CFAP299: variants seen among roughly 807,000 people sequenced by gnomAD.
The protein encoded by CFAP299 is cilia- and flagella-associated protein 299.
A neutral mutation model predicts 27.0 loss-of-function variants in CFAP299; 21 were observed. The observed-to-expected ratio is 0.78, with a 90% CI of 0.55 to 1.12. The LOEUF is 1.12. Among genes scored for constraint, CFAP299 ranks in the 50% most tolerant of loss-of-function variants. CFAP299 has a pLI of 0.00. For synonymous variants in CFAP299, 104 were observed against 98.1 expected (o/e 1.06, Z -0.36); for missense variants, 310 against 276.6 (o/e 1.12, Z -0.86).
At chr4:80,521,933 G>A (rs966138271) in intron 2 of CFAP299, among the ~76,000 whole-genome samples, 2 of 151,932 alleles carry the variant, frequency 1.3e-5, no homozygotes, top group African/African-American at 4.8e-5. Flanking sequence ...AAACATGAGG[G>A]TGCAAATATC....
At chr4:80,933,165 C>T (rs10030661) in intron 4 of CFAP299, among the ~76,000 whole-genome samples, 5 of 149,210 alleles carry the variant, frequency 3.4e-5, no homozygotes, top group Non-Finnish European at 3.0e-5. Context: ...TCTTTCCTTT[C>T]CTTTCTTTCT....
intron 3 of CFAP299, among the ~76,000 whole-genome samples, chr4:80,704,621 G>A (rs1250897633): frequency 6.6e-5 from 10 of 151,694 alleles, no homozygotes; most frequent in Admixed American, 2.0e-4. Context: ...ATATGTCAGT[G>A]TTATCATTGG....
chr4:80,487,248 A>G (rs1730865264), intron 2 of CFAP299, among the ~76,000 whole-genome samples: 1 of 152,120 alleles, frequency 6.6e-6, no homozygotes, highest in African/African-American at 2.4e-5. Flanking sequence ...GCTTTTCTTA[A>G]TTTACTGGTG....
At chr4:80,444,896 T>G (rs1275101658) in intron 2 of CFAP299, among the ~76,000 whole-genome samples, 1 of 152,138 alleles carries the variant, frequency 6.6e-6, no homozygotes, top group East Asian at 1.9e-4. Flanking sequence ...AAAGAAGACA[T>G]TTTTGCTGCC....
intron 2 of CFAP299, among the ~76,000 whole-genome samples, chr4:80,432,632 A>T (rs527614067): frequency 6.8e-6 from 1 of 147,740 alleles, no homozygotes; most frequent in Admixed American, 6.9e-5. Flanking sequence ...TCCCAGGTTA[A>T]CACCATTCCC....
intron 3 of CFAP299, among the ~76,000 whole-genome samples, chr4:80,843,154 A>G (rs1179992901): frequency 6.6e-6 from 1 of 151,996 alleles, no homozygotes; most frequent in South Asian, 2.1e-4. Flanking sequence ...ATATGTATAC[A>G]TGTGCCATGT....
At chr4:80,673,445 G>A (rs1372984714) in intron 3 of CFAP299, among the ~76,000 whole-genome samples, 1 of 151,906 alleles carries the variant, frequency 6.6e-6, no homozygotes, top group Non-Finnish European at 1.5e-5. Context: ...TGGTCAGTTT[G>A]GGAATAAGTG....
chr4:80,564,747 T>A (rs1045193962), intron 2 of CFAP299, among the ~76,000 whole-genome samples: 2 of 151,936 alleles, frequency 1.3e-5, no homozygotes, highest in Non-Finnish European at 2.9e-5. Context: ...TTGTAGATGA[T>A]GTAATCTTAT....
Position 80,377,787 on chromosome 4 carries a change from C to T in CFAP299, c.242+14903C>T, listed in dbSNP as rs1403088774. ...TATTTCTCTCACGAATGTTTTATAG[C>T]TGTATTGATCCTAATAAAGACATAC... On this transcript the variant is annotated intron_variant, in intron 2 of 5. Coordinates refer to ENST00000358105, the MANE Select transcript of CFAP299 (RefSeq NM_152770.3). Among the ~76,000 whole-genome samples the T allele has an allele frequency of 5.9e-5, 9 of 152,044 alleles. 1 individual carries two copies. Among genetic ancestry groups the T allele is most frequent in the Non-Finnish European group, 2.9e-5 (2 of 67,990 alleles).
At chr4:80,814,992 CA>C (rs1379332531) in intron 3 of CFAP299, among the ~76,000 whole-genome samples, 2 of 151,970 alleles carry the variant, frequency 1.3e-5, no homozygotes, top group Admixed American at 6.6e-5. Context: ...CTATATTCAC[CA>C]AAGGCATTTA....
At chr4:80,587,333 T>C (rs1033759800) in intron 3 of CFAP299, among the ~76,000 whole-genome samples, 2 of 152,108 alleles carry the variant, frequency 1.3e-5, no homozygotes, top group African/African-American at 4.8e-5. Context: ...ATCTTTAATT[T>C]CCTTATTTCC....
At chr4:80,739,093 C>G (rs1447858885) in intron 3 of CFAP299, among the ~76,000 whole-genome samples, 1 of 152,008 alleles carries the variant, frequency 6.6e-6, no homozygotes, top group African/African-American at 2.4e-5. Flanking sequence ...TGTTCTTTCT[C>G]TTTATGTATT....
rs192474442 is a variant in CFAP299 at position 80,540,869 on chromosome 4, C to T, written c.243-42224C>T. On this transcript the variant is annotated intron_variant, in intron 2 of 5. Transcript: ENST00000358105. ...TATAACAAACCTTTGTAGTGATTAG[C>T]AGGAACTATCTAACAAACCCTTTCA... Among the ~76,000 whole-genome samples, 9 of 152,246 alleles carry T rather than the reference C, an allele frequency of 5.9e-5. No homozygotes were observed. In the East Asian group the frequency reaches 1.2e-3, roughly 20 times the overall value.
At chr4:80,744,482 A>C (rs966012399) in intron 3 of CFAP299, among the ~76,000 whole-genome samples, 4 of 152,020 alleles carry the variant, frequency 2.6e-5, no homozygotes, top group Admixed American at 6.6e-5. Context: ...ATTCATGTAC[A>C]TTTTTTATTA....
At chr4:80,595,589 G>C (rs1737021360) in intron 3 of CFAP299, among the ~76,000 whole-genome samples, 1 of 152,132 alleles carries the variant, frequency 6.6e-6, no homozygotes, top group African/African-American at 2.4e-5. Flanking sequence ...CATCTTATTG[G>C]ATTGGAGTAA....
At chr4:80,646,481 A>G (rs1740015952) in intron 3 of CFAP299, among the ~76,000 whole-genome samples, 1 of 152,184 alleles carries the variant, frequency 6.6e-6, no homozygotes, top group South Asian at 2.1e-4. Flanking sequence ...AATTAATTCT[A>G]ATAGAAGCTT....
intron 2 of CFAP299, among the ~76,000 whole-genome samples, chr4:80,544,821 C>A (rs1302508479): frequency 1.3e-5 from 2 of 152,102 alleles, no homozygotes; most frequent in Admixed American, 6.6e-5. Flanking sequence ...AGAAAAGTAA[C>A]AAAGATATTC....
At chr4:80,468,851 A>G (rs1231363126) in intron 2 of CFAP299, among the ~76,000 whole-genome samples, 1 of 151,512 alleles carries the variant, frequency 6.6e-6, no homozygotes, top group African/African-American at 2.4e-5. Context: ...AAAAAAAAAA[A>G]AAAGGCAGTA....
At chr4:80,935,280 G>T (rs1382820340) in intron 4 of CFAP299, among the ~76,000 whole-genome samples, 2 of 152,034 alleles carry the variant, frequency 1.3e-5, no homozygotes, top group African/African-American at 4.8e-5. Context: ...AAAGAACAAA[G>T]CTGGAGGCAT....
Sources: gnomAD v4.1 joint callset for allele counts (sites outside exome capture counted in the v4.1 genomes callset) on GRCh38, gnomAD v4.1.1 for gene constraint, MANE v1.5 for transcripts, NCBI Gene and HGNC (gene_info 2026-07-23, HGNC 2026-07-21) for gene names.